NTRK3: variants seen among roughly 807,000 people sequenced by gnomAD.
The protein encoded by NTRK3 is NT-3 growth factor receptor.
A neutral mutation model predicts 91.7 loss-of-function variants in NTRK3; 24 were observed. The ratio of observed to expected loss-of-function variants is 0.26; its 90% CI spans 0.19 to 0.37. NTRK3 has a LOEUF of 0.37. NTRK3 is among the 10% of genes least tolerant of loss of function. The pLI, the probability that NTRK3 is intolerant of heterozygous loss-of-function variation, is 1.00. For synonymous variants in NTRK3, 483 were observed against 404.0 expected (o/e 1.20, Z -2.34); for missense variants, 880 against 1,068.9 (o/e 0.82, Z 2.46).
At chr15:87,979,550 G>T in intron 14 of NTRK3, 3 of 849,002 alleles carry the variant, frequency 3.5e-6, no homozygotes, top group Non-Finnish European at 5.8e-6. Context: ...ACTAGGAGGG[G>T]AAATAGAGAG....
intron 3 of NTRK3, among the ~76,000 whole-genome samples, chr15:88,210,557 G>A (rs753435049): frequency 3.3e-5 from 5 of 152,176 alleles, no homozygotes; most frequent in Non-Finnish European, 7.3e-5. Context: ...TCAGATGCAG[G>A]AACAACTCTC....
chr15:88,164,273 C>T (rs546016391), intron 5 of NTRK3, among the ~76,000 whole-genome samples: 2 of 152,298 alleles, frequency 1.3e-5, no homozygotes, highest in South Asian at 4.1e-4. Context: ...GCCACCTGGT[C>T]CAAGACAGGC....
intron 13 of NTRK3, among the ~76,000 whole-genome samples, chr15:88,057,261 CCGAGGTGTG>C (rs2142394771): frequency 6.6e-6 from 1 of 150,614 alleles, no homozygotes; most frequent in East Asian, 2.0e-4. Flanking sequence ...CTTTGGGAGG[CCGAGGTGTG>C]CGGATCACTT....
At chr15:88,180,565 G>C (rs2046364735) in intron 5 of NTRK3, among the ~76,000 whole-genome samples, 1 of 151,386 alleles carries the variant, frequency 6.6e-6, no homozygotes, top group Admixed American at 6.6e-5. Flanking sequence ...GTGGGAGACA[G>C]TTCAACCAAT....
chr15:87,896,226 A>C (rs1187128670), intron 17 of NTRK3, among the ~76,000 whole-genome samples: 2 of 152,116 alleles, frequency 1.3e-5, no homozygotes, highest in Non-Finnish European at 2.9e-5. Context: ...TAATCCCAGC[A>C]CTTTGGGAGG....
intron 3 of NTRK3, among the ~76,000 whole-genome samples, chr15:88,194,880 C>T (rs2151703052): frequency 6.6e-6 from 1 of 152,274 alleles, no homozygotes; most frequent in South Asian, 2.1e-4. Context: ...CCTCTCAGGA[C>T]CTTCGCATTT....
intron 13 of NTRK3, among the ~76,000 whole-genome samples, chr15:88,085,815 G>A (rs951859083): frequency 4.6e-5 from 7 of 152,270 alleles, no homozygotes; most frequent in Middle Eastern, 3.4e-3. Context: ...GTGATTGTTC[G>A]TTTATTACTT....
At chr15:87,879,482 T>C (rs1450569222) in intron 18 of NTRK3, among the ~76,000 whole-genome samples, 4 of 152,204 alleles carry the variant, frequency 2.6e-5, no homozygotes, top group Admixed American at 2.6e-4. Context: ...GCCCAGGCTT[T>C]GTCCCTGCTT....
intron 17 of NTRK3, among the ~76,000 whole-genome samples, chr15:87,894,840 C>T (rs1460875280): frequency 1.3e-5 from 2 of 152,188 alleles, no homozygotes; most frequent in African/African-American, 4.8e-5. Context: ...TCTACTCTCT[C>T]CTCACTGTCT....
At chr15:88,013,147 T>C (rs1314407962) in intron 14 of NTRK3, among the ~76,000 whole-genome samples, 1 of 103,218 alleles carries the variant, frequency 9.7e-6, no homozygotes, top group African/African-American at 3.9e-5. Context: ...AAAGACCCAC[T>C]ACCAGCAGCT....
chr15:88,190,365 CA>C (rs1371034106), intron 3 of NTRK3, among the ~76,000 whole-genome samples: 2 of 152,136 alleles, frequency 1.3e-5, no homozygotes, highest in African/African-American at 2.4e-5. Flanking sequence ...ACAGAGTAGA[CA>C]GATCATGATT....
At chr15:87,953,055 T>A (rs947435788) in intron 14 of NTRK3, among the ~76,000 whole-genome samples, 3 of 152,234 alleles carry the variant, frequency 2.0e-5, no homozygotes, top group Non-Finnish European at 4.4e-5. Flanking sequence ...CCACTCACTC[T>A]GCCAGGTGTT....
At chr15:88,218,236 A>G (rs935851880) in intron 3 of NTRK3, among the ~76,000 whole-genome samples, 1 of 152,204 alleles carries the variant, frequency 6.6e-6, no homozygotes, top group East Asian at 1.9e-4. Context: ...CACTATGTTG[A>G]GGCCTCTGAT....
chr15:87,938,296 A>G (rs1406733133), intron 15 of NTRK3, among the ~76,000 whole-genome samples: 2 of 152,198 alleles, frequency 1.3e-5, no homozygotes, highest in African/African-American at 4.8e-5. Context: ...GGAAAACTTT[A>G]TTGTGGGTTA....
chr15:88,236,892 T>G, intron 3 of NTRK3, among the ~76,000 whole-genome samples: 1 of 151,942 alleles, frequency 6.6e-6, no homozygotes, highest in Middle Eastern at 3.4e-3. Flanking sequence ...GGGAAGAATG[T>G]GGGGAACTTT....
intron 17 of NTRK3, among the ~76,000 whole-genome samples, chr15:87,901,293 A>C (rs187496200): frequency 6.6e-6 from 1 of 152,370 alleles, no homozygotes; most frequent in East Asian, 1.9e-4. Context: ...GTTGTTATTC[A>C]AAGGCATTCC....
rs186704892 is a variant in NTRK3 at position 88,241,229 on chromosome 15, G to A, written c.248+14677C>T. Among the ~76,000 whole-genome samples the A allele has an allele frequency of 6.6e-6, 1 of 152,306 alleles. No homozygotes were observed. The highest frequency in any genetic ancestry group is 6.5e-5 in the Admixed American group (1 of 15,306). On this transcript the variant is annotated intron_variant, in intron 3 of 18. Coordinates refer to ENST00000394480, the Ensembl canonical transcript of NTRK3. This position sits in a 1 kb window ranked among gnomAD's most constrained non-coding sequence, Gnocchi z 4.3. ...TTCTGTTCAGTGACCTCCTGGGCAG[G>A]TAAGAACATAGAGGGCAGTAGAGGG...
intron 13 of NTRK3, among the ~76,000 whole-genome samples, chr15:88,101,113 C>T (rs1415222816): frequency 6.6e-6 from 1 of 152,190 alleles, no homozygotes; most frequent in African/African-American, 2.4e-5. Flanking sequence ...TTGCAATCTA[C>T]TCATCTGACA....
exon 19 of NTRK3, chr15:87,868,699 G>A (rs1377222208): frequency 2.3e-5 from 5 of 219,884 alleles, no homozygotes; most frequent in Non-Finnish European, 4.6e-5. Context: ...CAGCTTTGAG[G>A]TTCTATGTGG....
Sources: gnomAD v4.1 joint callset for allele counts (sites outside exome capture counted in the v4.1 genomes callset) on GRCh38, gnomAD v4.1.1 for gene constraint, Gnocchi (gnomAD v3.1) non-coding constraint, MANE v1.5 for transcripts, NCBI Gene and HGNC (gene_info 2026-07-23, HGNC 2026-07-21) for gene names.